B3GAT3: variants seen among roughly 807,000 people sequenced by gnomAD.
B3GAT3 encodes galactosylgalactosylxylosylprotein 3-beta-glucuronosyltransferase 3.
B3GAT3 carries 19 observed loss-of-function variants against 33.1 expected under a neutral mutation model. The ratio of observed to expected loss-of-function variants is 0.57; its 90% confidence interval spans 0.40 to 0.84. B3GAT3 has a LOEUF of 0.84. Among genes scored for constraint, B3GAT3 ranks in the 40% least tolerant of loss-of-function variants. The pLI is 0.00. For synonymous variants in B3GAT3, 167 were observed against 193.5 expected (o/e 0.86, Z 1.14); for missense variants, 344 against 441.5 (o/e 0.78, Z 1.98).
rs1209438710 is a variant in B3GAT3, at chr11:62,617,179, GGCTTTGGGC to G, written c.417_425del (p.Pro140_Ala142del). 6.2e-7 allele frequency: 1 copy of G among 1,613,890 alleles called. No individual in the cohort carries two copies. The highest frequency in any genetic ancestry group is 8.5e-7 in the Non-Finnish European group (1 of 1,180,000). On this transcript the variant is annotated inframe_deletion, in exon 3 of 5. Coordinates refer to ENST00000265471, the MANE Select transcript of B3GAT3 (RefSeq NM_012200.4). ...CAGGCTCGCCCTCCCGAAGCCGCTG[GGCTTTGGGC>G]GTGAGGACCACCAGGTGTGTGAAGA...
In B3GAT3 at chr11:62,617,008, G is replaced by A; in HGVS notation, c.597C>T (p.Tyr199=). 2.5e-6 allele frequency: 4 copies of A among 1,614,254 alleles called. No homozygotes were observed. The highest frequency in any genetic ancestry group is 1.7e-5 in the Admixed American group (1 of 60,030). ...TCACCTCCTCAAACAGCTCCCGGCT[G>A]TAGGTGTTGTCATCGTCAGCAAAGT... is the stretch of plus-strand genomic sequence containing the variant. ...VVYFADDDNT[Y]SRELFEEMRW... The change falls in exon 3 of 5, where the codon TAC becomes TAT. Residue 199 remains tyrosine (Y), a synonymous_variant. Coordinates refer to ENST00000265471, the MANE Select transcript of B3GAT3 (RefSeq NM_012200.4).
At chr11:62,621,774 T>C (rs922398831) in intron 1 of B3GAT3, 92 bp downstream of exon 1, 9 of 1,303,048 alleles carry the variant, frequency 6.9e-6, no homozygotes, top group African/African-American at 1.5e-5. Context: ...AGCGGATGAA[T>C]GGTGTTTGCC....
In B3GAT3 at chr11:62,620,560, G is replaced by A. The variant is rs1780008664; in HGVS notation, c.194C>T (p.Pro65Leu). The A allele has an allele frequency of 1.9e-6, 3 of 1,612,720 alleles. No individual in the cohort carries two copies. The highest frequency in any genetic ancestry group is 1.3e-5 in the African/African-American group (1 of 74,910). ...QAELRRPPPA[P>L]AQPPEPEALP... ...GGCCTCGGGTTCAGGGGGCTGGGCA[G>A]GGGCAGGGGGTGGCCGTCGGAGTTC... Residue 65 changes from proline (P) to leucine (L), a missense_variant, in exon 2 of 5, where the codon CCT (proline) becomes CTT (leucine). Physicochemically the swap from Pro to Leu is moderately conservative, Grantham distance 98. Coordinates refer to ENST00000265471, the MANE Select transcript of B3GAT3 (RefSeq NM_012200.4).
intron 4 of B3GAT3, chr11:62,616,011 A>G: frequency 1.4e-6 from 2 of 1,401,798 alleles, no homozygotes; most frequent in Non-Finnish European, 1.9e-6. Context: ...TGGGAGGCCG[A>G]GGAAGGCGGA....
At chr11:62,621,803 C>A (rs1304368770) in intron 1 of B3GAT3, 63 bp downstream of exon 1, 36 of 1,315,780 alleles carry the variant, frequency 2.7e-5, no homozygotes, top group Middle Eastern at 2.7e-4. Context: ...ATCCCCAGGG[C>A]GGGATGCACG....
chr11:62,621,730 T>C, intron 1 of B3GAT3, 136 bp downstream of exon 1: 1 of 949,208 alleles, frequency 1.1e-6, no homozygotes, highest in Non-Finnish European at 1.5e-6. Context: ...TAGAGGGCAG[T>C]GCGCCTGAGG....
intron 2 of B3GAT3, among the ~76,000 whole-genome samples, chr11:62,617,973 C>T (rs991578640): frequency 3.3e-5 from 5 of 151,512 alleles, no homozygotes; most frequent in South Asian, 2.1e-4. Context: ...GTTAGGAGTT[C>T]GAGACCAGCC....
intron 2 of B3GAT3, among the ~76,000 whole-genome samples, chr11:62,618,566 G>A (rs1565077273): frequency 6.6e-6 from 1 of 151,236 alleles, no homozygotes; most frequent in Non-Finnish European, 1.5e-5. Context: ...GGAGGCTGAG[G>A]CAGGAGAATG....
At position 62,620,695 on chromosome 11, in the gene B3GAT3, G is replaced by A. The variant is rs578221630; in HGVS notation, c.83-24C>T. On this transcript the variant is annotated intron_variant, in intron 1 of 4. Coordinates refer to ENST00000265471, the MANE Select transcript of B3GAT3 (RefSeq NM_012200.4). ...GCCTGGTCCCAGGAAGCATTAATGG[G>A]GAAAGAAGGTGGGGACAGAGAACCG... is the stretch of plus-strand genomic sequence containing the variant. The A allele has an allele frequency of 5.0e-5, 81 of 1,604,212 alleles. 2 individuals are homozygous for A. The South Asian group carries it at 7.2e-4, about 14-fold the overall frequency.
chr11:62,621,942 C>T lies in B3GAT3; in HGVS notation c.6G>A (p.Lys2=). ...CGAGAAACACGTTCTTCAGCTTCAG[C>T]TTCATGGCCGCGCCGCCGCCCGCGC... M[K]LKLKNVFLAY... is the part of the protein sequence containing the mutation. Residue 2 remains lysine, a synonymous_variant, in exon 1 of 5, where the codon AAG becomes AAA. Transcript: ENST00000265471. 1 of 1,612,956 alleles carries T rather than the reference C, an allele frequency of 6.2e-7. No homozygotes were observed. The highest frequency in any genetic ancestry group is 1.7e-5 in the Admixed American group (1 of 59,980).
chr11:62,621,232 G>A (rs970790382), intron 1 of B3GAT3: 2 of 456,650 alleles, frequency 4.4e-6, no homozygotes, highest in East Asian at 6.9e-5. Context: ...GATACAGCAG[G>A]GAACAAAACA....
In B3GAT3 at chr11:62,620,687, A is replaced by G; in HGVS notation, c.83-16T>C. The G allele has an allele frequency of 1.9e-6, 3 of 1,606,944 alleles. No individual in the cohort carries two copies. Among genetic ancestry groups the G allele is most frequent in the Non-Finnish European group, 2.6e-6 (3 of 1,175,038 alleles). On this transcript the variant is annotated splice_polypyrimidine_tract_variant and intron_variant, in intron 1 of 4. Coordinates refer to ENST00000265471, the MANE Select transcript of B3GAT3 (RefSeq NM_012200.4). ...CATGGCTGGCCTGGTCCCAGGAAGC[A>G]TTAATGGGGAAAGAAGGTGGGGACA...
chr11:62,619,570 G>C (rs566986923), intron 2 of B3GAT3, among the ~76,000 whole-genome samples: 4 of 151,378 alleles, frequency 2.6e-5, no homozygotes, highest in African/African-American at 9.7e-5. Flanking sequence ...TTTGAAATGG[G>C]CTCTCTCTGT....
At position 62,617,013 on chromosome 11, in the gene B3GAT3, T is replaced by A. The variant is rs754978630; in HGVS notation, c.592A>T (p.Thr198Ser). 6.2e-7 allele frequency: 1 copy of A among 1,613,984 alleles called. No homozygotes were observed. The highest frequency in any genetic ancestry group is 8.5e-7 in the Non-Finnish European group (1 of 1,180,014). ...GVVYFADDDNTYSRELFEEMR... is the reference protein window; with the variant it reads ...GVVYFADDDNSYSRELFEEMR... ...TCCTCAAACAGCTCCCGGCTGTAGGTGTTGTCATCGTCAGCAAAGTAGACG... is the reference window on the plus strand; with the variant it reads ...TCCTCAAACAGCTCCCGGCTGTAGGAGTTGTCATCGTCAGCAAAGTAGACG... Residue 198 changes from threonine (T) to serine (S), a missense_variant, in exon 3 of 5, where the codon ACC (threonine) becomes TCC (serine). Transcript: ENST00000265471.
intron 2 of B3GAT3, among the ~76,000 whole-genome samples, chr11:62,618,177 CAAAAAAAAAAAA>C (rs150492409): frequency 1.5e-3 from 68 of 46,282 alleles, no homozygotes; most frequent in African/African-American, 6.6e-3. Flanking sequence ...AACTCTGTCT[CAAAAAAAAAAAA>C]AAAAAAAAAA....
At chr11:62,618,198 A>AC (rs1308223319) in intron 2 of B3GAT3, among the ~76,000 whole-genome samples, 7 of 151,072 alleles carry the variant, frequency 4.6e-5, no homozygotes, top group African/African-American at 7.3e-5. Context: ...AAAAAAAAAA[A>AC]AAAAAACAAA....
chr11:62,615,838 G>A (rs768503650), intron 4 of B3GAT3, 39 bp from the exon 5 acceptor site: 6 of 1,606,366 alleles, frequency 3.7e-6, no homozygotes, highest in African/African-American at 2.7e-5. Context: ...AGGCCCAGCT[G>A]CAGCCAGGCC....
rs768684929 is a variant in B3GAT3 at position 62,616,793 on chromosome 11, G to A, written c.622C>T (p.Arg208Cys). 8 of 1,613,778 alleles carry A rather than the reference G, an allele frequency of 5.0e-6. No individual in the cohort carries two copies. The highest frequency in any genetic ancestry group is 1.7e-5 in the Admixed American group (1 of 59,986). The change falls in exon 4 of 5, where the codon CGC becomes TGC. Residue 208 changes from arginine to cysteine, a missense_variant. Transcript: ENST00000265471. ...TYSRELFEEM[R>C]WTRGVSVWPV... ...CACACTGAGACACCACGGGTCCAGC[G>A]CATCTAACGGAGGTCGGGAGAGAAG...
chr11:62,616,019 G>A (rs1168434041), intron 4 of B3GAT3: 26 of 1,360,760 alleles, frequency 1.9e-5, no homozygotes, highest in East Asian at 5.6e-5. Context: ...CGAGGAAGGC[G>A]GATCACGAGG....
Sources: allele counts gnomAD v4.1 joint callset (sites outside exome capture counted in the v4.1 genomes callset), GRCh38; gene constraint gnomAD v4.1.1; transcripts MANE v1.5; gene names NCBI Gene and HGNC (gene_info 2026-07-23, HGNC 2026-07-21).